The following TTC28 variants were observed in gnomAD, a reference collection of about 807,000 sequenced individuals.
The protein encoded by TTC28 is tetratricopeptide repeat protein 28.
TTC28 carries 61 observed loss-of-function variants against 198.0 expected under a neutral mutation model. The ratio of observed to expected loss-of-function variants is 0.31; its 90% CI spans 0.25 to 0.38. The LOEUF is 0.38. Ranked by LOEUF, TTC28 falls within the 10% of genes least tolerant of loss-of-function variation. The probability of loss-of-function intolerance (pLI) is 1.00; values close to 1 mark genes in which losing one functional copy is unlikely to be tolerated. For missense variants in TTC28, 2,678 were observed against 3,164.0 expected (o/e 0.85, Z 3.69); for synonymous variants, 1,171 against 1,297.8 (o/e 0.90, Z 2.10).
At chr22:28,114,588 T>G (rs557590039) in intron 6 of TTC28, among the ~76,000 whole-genome samples, 7 of 151,906 alleles carry the variant, frequency 4.6e-5, no homozygotes, top group African/African-American at 1.7e-4. Flanking sequence ...GATTTTTTTT[T>G]TTTTTTTTTG....
At chr22:28,058,456 T>C (rs1940382138) in intron 12 of TTC28, among the ~76,000 whole-genome samples, 1 of 152,148 alleles carries the variant, frequency 6.6e-6, no homozygotes, top group Non-Finnish European at 1.5e-5. Context: ...AACTGATTTT[T>C]TTTAATGTTA....
intron 6 of TTC28, among the ~76,000 whole-genome samples, chr22:28,125,443 C>A (rs1369232540): frequency 6.6e-5 from 10 of 152,186 alleles, no homozygotes; most frequent in African/African-American, 2.4e-4. Context: ...TCAAGGCAGA[C>A]CCAATCACAA....
intron 6 of TTC28, among the ~76,000 whole-genome samples, chr22:28,153,826 T>C (rs1167984709): frequency 6.6e-6 from 1 of 152,218 alleles, no homozygotes; most frequent in Non-Finnish European, 1.5e-5. Context: ...TTTAAACTGA[T>C]TGTTTTCCAT....
chr22:28,217,007 G>A (rs1323351422), intron 5 of TTC28, among the ~76,000 whole-genome samples: 4 of 151,990 alleles, frequency 2.6e-5, no homozygotes, highest in Admixed American at 2.0e-4. Context: ...ATGAGCCACC[G>A]CACCCAGTCT....
At chr22:28,166,866 A>T (rs1187069785) in intron 5 of TTC28, among the ~76,000 whole-genome samples, 2 of 152,214 alleles carry the variant, frequency 1.3e-5, no homozygotes, top group Non-Finnish European at 1.5e-5. Context: ...ACCCTTCAAA[A>T]CATCAATGAA....
chr22:28,132,757 C>A (rs28360522), intron 6 of TTC28, among the ~76,000 whole-genome samples: 9,493 of 152,182 alleles, frequency 0.062, 383 homozygotes, highest in African/African-American at 0.098. Context: ...TGTAGTGAAA[C>A]CACTTACACA....
At chr22:28,224,419 T>A (rs1287842663) in intron 5 of TTC28, among the ~76,000 whole-genome samples, 1 of 152,106 alleles carries the variant, frequency 6.6e-6, no homozygotes, top group East Asian at 1.9e-4. Flanking sequence ...AAACCCCTAG[T>A]GAGTAGGTTA....
intron 5 of TTC28, among the ~76,000 whole-genome samples, chr22:28,294,775 G>A (rs891787052): frequency 2.0e-5 from 3 of 152,002 alleles, no homozygotes; most frequent in African/African-American, 7.3e-5. Flanking sequence ...CACCATGTTG[G>A]CCAGGCTGGT....
At position 28,163,173 on chromosome 22, in the gene TTC28, T is replaced by C; in HGVS notation, c.1360A>G (p.Lys454Glu). The C allele has an allele frequency of 1.3e-6, 2 of 1,551,730 alleles. No individual in the cohort carries two copies. Among genetic ancestry groups the C allele is most frequent in the Non-Finnish European group, 8.7e-7 (1 of 1,147,004 alleles). Residue 454 changes from lysine (K) to glutamate (E), a missense_variant, in exon 6 of 23, where the codon AAA becomes GAA. Lys to Glu is a moderately conservative substitution (Grantham distance 56). This residue lies in a region of TTC28 where 775 missense variants were observed against 845.9 expected (regional missense o/e 0.92). Coordinates refer to ENST00000397906, the MANE Select transcript of TTC28 (RefSeq NM_001145418.2). The stretch of plus-strand genomic sequence containing the variant: ...CCCAGCTGCTGCTCATGGTATTGTT[T>C]AGCTCTCTCCAAATCCTGCATGCAC... ...ARCMQDLERA[K>E]QYHEQQLGIA...
intron 20 of TTC28, among the ~76,000 whole-genome samples, chr22:27,990,289 C>T (rs969056740): frequency 2.6e-5 from 4 of 152,156 alleles, no homozygotes; most frequent in Non-Finnish European, 5.9e-5. Context: ...GTGGGAGAGC[C>T]TCACAGGAGA....
At chr22:28,296,166 AAAT>A in intron 5 of TTC28, 29 bp downstream of exon 5, 1 of 1,521,254 alleles carries the variant, frequency 6.6e-7, no homozygotes. Context: ...AAAGAAAAAA[AAAT>A]GTTTTTGGTC....
chr22:28,022,882 A>T (rs1006784113), intron 13 of TTC28, among the ~76,000 whole-genome samples: 1 of 152,194 alleles, frequency 6.6e-6, no homozygotes, highest in African/African-American at 2.4e-5. Context: ...CCTCACACAA[A>T]AGGTTGTCTC....
chr22:28,295,681 T>A (rs1434365371), intron 5 of TTC28, among the ~76,000 whole-genome samples: 1 of 152,204 alleles, frequency 6.6e-6, no homozygotes, highest in East Asian at 1.9e-4. Flanking sequence ...CTACTGAATA[T>A]TAACTCTTTG....
At chr22:28,009,465 T>C (rs573950939) in intron 14 of TTC28, among the ~76,000 whole-genome samples, 16 of 152,350 alleles carry the variant, frequency 1.1e-4, no homozygotes, top group Admixed American at 2.0e-4. Context: ...GCTTGGCAGC[T>C]GACAGCGGCA....
chr22:28,533,128 T>C (rs903147299), intron 2 of TTC28, among the ~76,000 whole-genome samples: 18 of 152,290 alleles, frequency 1.2e-4, no homozygotes, highest in African/African-American at 4.3e-4. Context: ...TCCCTGTTTG[T>C]AGATGACATG....
rs370478091 is a variant in TTC28 at position 28,316,031 on chromosome 22, G to C, written c.382-9388C>G. Among the ~76,000 whole-genome samples, 13 of 152,184 alleles carry C rather than the reference G, an allele frequency of 8.5e-5. No homozygotes were observed. In the East Asian group the frequency reaches 2.5e-3, roughly 29 times the overall value. On this transcript the variant is annotated intron_variant, in intron 2 of 22. Transcript: ENST00000397906. ...TATTTGCATAAGGCACAAAGTTCTG[G>C]TAGTTCCATCCCATTCTTTTAATGC...
Position 27,981,187 on chromosome 22 carries a change from GC to G in TTC28, c.*1033del, listed in dbSNP as rs138634. ...CAGCAGCTAATAAAAGGGAACAGGAGCCTGGAAGGCGGGATTCTGGTTAAAT... is the reference window on the plus strand; with the variant it reads ...CAGCAGCTAATAAAAGGGAACAGGAGCTGGAAGGCGGGATTCTGGTTAAAT... On this transcript the variant is annotated 3_prime_UTR_variant, in exon 23 of 23. Transcript: ENST00000397906. 0.088 allele frequency: 12,790 copies of G among 144,842 alleles called. 584 individuals are homozygous for G. The highest frequency in any genetic ancestry group is 0.11 in the African/African-American group (4,156 of 39,448). The allele number at this position is 144,842 out of a possible 1,614,324, so 9.0% of individuals were successfully genotyped here.
intron 6 of TTC28, among the ~76,000 whole-genome samples, chr22:28,137,377 C>T (rs1284892593): frequency 6.6e-6 from 1 of 151,896 alleles, no homozygotes; most frequent in Non-Finnish European, 1.5e-5. Context: ...TCTTTACTGA[C>T]CTCTCTCTCT....
intron 6 of TTC28, among the ~76,000 whole-genome samples, chr22:28,155,085 G>C (rs1271419531): frequency 6.6e-6 from 1 of 152,144 alleles, no homozygotes; most frequent in Non-Finnish European, 1.5e-5. Flanking sequence ...AGTCTCCCTG[G>C]CTGGCTTTTC....
Sources: allele counts gnomAD v4.1 joint callset (sites outside exome capture counted in the v4.1 genomes callset), GRCh38; gene constraint gnomAD v4.1.1; regional missense constraint gnomAD v4.1.1; transcripts MANE v1.5; gene names NCBI Gene and HGNC (gene_info 2026-07-23, HGNC 2026-07-21).